Variants in HS3ST3B1 observed in about 807,000 individuals in gnomAD.
HS3ST3B1 encodes heparan sulfate glucosamine 3-O-sulfotransferase 3B1.
A neutral mutation model predicts 21.3 loss-of-function variants in HS3ST3B1; 13 were observed. That is an observed-to-expected ratio of 0.61 (90% confidence interval 0.40 to 0.97). The LOEUF is 0.97. Ranked by LOEUF, HS3ST3B1 falls within the 50% of genes least tolerant of loss-of-function variation. The probability of loss-of-function intolerance (pLI) is 0.00; values close to 1 mark genes in which losing one functional copy is unlikely to be tolerated. For missense variants in HS3ST3B1, 459 were observed against 554.8 expected, an observed-to-expected ratio of 0.83 and a Z score of 1.73; for synonymous variants, 234 against 254.8, an observed-to-expected ratio of 0.92 and a Z score of 0.78.
At chr17:14,323,780 A>G (rs1221449128) in intron 1 of HS3ST3B1, among the ~76,000 whole-genome samples, 1 of 152,084 alleles carries the variant, frequency 6.6e-6, no homozygotes, top group Non-Finnish European at 1.5e-5. Flanking sequence ...CCAGGAAAAC[A>G]TTGTCTTTGG....
intron 1 of HS3ST3B1, among the ~76,000 whole-genome samples, chr17:14,333,167 G>A (rs1910074277): frequency 6.6e-6 from 1 of 152,072 alleles, no homozygotes; most frequent in Non-Finnish European, 1.5e-5. Flanking sequence ...TAGTCAAAGC[G>A]GTATAAAAAC....
chr17:14,321,362 C>T (rs1456937408), intron 1 of HS3ST3B1, among the ~76,000 whole-genome samples: 3 of 152,166 alleles, frequency 2.0e-5, no homozygotes, highest in Admixed American at 1.3e-4. Context: ...TCTGCTGGTT[C>T]GAGAGGCTTG....
rs181685853 is a variant in HS3ST3B1, at chr17:14,347,827, T to A, written c.*2181T>A. On this transcript the variant is annotated 3_prime_UTR_variant, in exon 2 of 2. Transcript: ENST00000360954. ...ATGTTTTATCCATTTCGTAGCTTTT[T>A]TACTGTCTCCAGAAAGTAGTGTGGG... The A allele has an allele frequency of 1.0e-3, 157 of 152,348 alleles. No homozygotes were observed. Among genetic ancestry groups the A allele is most frequent in the African/African-American group, 3.7e-3 (153 of 41,584 alleles). 9.4% of individuals were successfully genotyped at this position (152,348 alleles called of 1,614,324 possible). A position where few individuals can be genotyped will look rare whatever the true frequency, so the allele number is the denominator to read the frequency against.
At chr17:14,314,140 C>A (rs546827974) in intron 1 of HS3ST3B1, among the ~76,000 whole-genome samples, 1 of 151,822 alleles carries the variant, frequency 6.6e-6, no homozygotes, top group African/African-American at 2.4e-5. Flanking sequence ...CCACCAGGCC[C>A]GGCTCATTTT....
chr17:14,343,191 G>A (rs540654274), intron 1 of HS3ST3B1, among the ~76,000 whole-genome samples: 9 of 151,202 alleles, frequency 6.0e-5, no homozygotes, highest in East Asian at 3.9e-4. Flanking sequence ...GCAGTGAGCC[G>A]AGATCGCACC....
At chr17:14,336,329 T>C (rs140520087) in intron 1 of HS3ST3B1, among the ~76,000 whole-genome samples, 1 of 152,318 alleles carries the variant, frequency 6.6e-6, no homozygotes, top group African/African-American at 2.4e-5. Context: ...TGCTGGGCTA[T>C]AGGAGGAGGG....
At chr17:14,333,796 CT>C (rs1910098439) in intron 1 of HS3ST3B1, among the ~76,000 whole-genome samples, 2 of 151,904 alleles carry the variant, frequency 1.3e-5, no homozygotes, top group South Asian at 2.1e-4. Context: ...GGCTGAGAAC[CT>C]TTTTTTTCTG....
chr17:14,306,336 A>G (rs1194193756), intron 1 of HS3ST3B1, among the ~76,000 whole-genome samples: 1 of 152,228 alleles, frequency 6.6e-6, no homozygotes, highest in Non-Finnish European at 1.5e-5. Flanking sequence ...AAAACATAGC[A>G]AGTGTCCCTC....
chr17:14,326,921 C>CAA (rs60800866), intron 1 of HS3ST3B1, among the ~76,000 whole-genome samples: 131 of 60,094 alleles, frequency 2.2e-3, no homozygotes, highest in Non-Finnish European at 3.1e-3. Context: ...AACTCTGTCT[C>CAA]AAAAAAAAAA....
chr17:14,329,367 A>AAGAAAGAAAAGGAAGG lies in HS3ST3B1; in HGVS notation c.555-15660_555-15659insGAAAGAAAAGGAAGGA, dbSNP rs1555549453. The AAGAAAGAAAAGGAAGG allele has an allele frequency of 4.8e-3, 512 of 106,122 alleles. 2 individuals are homozygous for AAGAAAGAAAAGGAAGG. Among genetic ancestry groups the AAGAAAGAAAAGGAAGG allele is most frequent in the African/African-American group, 0.014 (368 of 27,042 alleles). The allele number at this position is 106,122 out of a possible 1,614,324, so 6.6% of individuals were successfully genotyped here. On this transcript the variant is annotated intron_variant, in intron 1 of 1. Transcript: ENST00000360954. Reference sequence around the variant, plus strand: ...AAAGAAAGAAAGAAAGAAAGAAAGAAAAGGAAGGAAGGAAGGAAGGAAGGA... The same window carrying AAGAAAGAAAAGGAAGG: ...AAAGAAAGAAAGAAAGAAAGAAAGAAAGAAAGAAAAGGAAGGAAGGAAGGAAGGAAGGAAGGAAGGA...
Position 14,348,820 on chromosome 17 carries a change from T to G in HS3ST3B1, c.*3174T>G, listed in dbSNP as rs1910647999. ...TAGTTCATGCTTTCTTTGCGGTGTT[T>G]GAACAGTAGTCTGTTAACTTAGTAG... On this transcript the variant is annotated 3_prime_UTR_variant, in exon 2 of 2. Transcript: ENST00000360954. 1 of 152,230 alleles carries G rather than the reference T, an allele frequency of 6.6e-6. No individual in the cohort carries two copies. The highest frequency in any genetic ancestry group is 2.4e-5 in the African/African-American group (1 of 41,460). The allele number at this position is 152,230 out of a possible 1,614,324, so 9.4% of individuals were successfully genotyped here. A position where few individuals can be genotyped will look rare whatever the true frequency, so the allele number is the denominator to read the frequency against.
chr17:14,327,033 A>G (rs1909842781), intron 1 of HS3ST3B1, among the ~76,000 whole-genome samples: 1 of 151,998 alleles, frequency 6.6e-6, no homozygotes, highest in Non-Finnish European at 1.5e-5. Context: ...CAAGTGTATA[A>G]TATCTCTTGA....
chr17:14,316,164 C>G (rs1193901354), intron 1 of HS3ST3B1, among the ~76,000 whole-genome samples: 2 of 152,176 alleles, frequency 1.3e-5, no homozygotes, highest in African/African-American at 4.8e-5. Context: ...CTTCCCGTTC[C>G]TATAGCTTGA....
intron 1 of HS3ST3B1, among the ~76,000 whole-genome samples, chr17:14,317,952 T>C (rs1909548362): frequency 6.6e-6 from 1 of 152,104 alleles, no homozygotes; most frequent in Non-Finnish European, 1.5e-5. Flanking sequence ...ATGAACCACA[T>C]TTAGCCCTGC....
intron 1 of HS3ST3B1, chr17:14,305,438 C>T (rs573355889): frequency 6.6e-6 from 1 of 152,168 alleles, no homozygotes; most frequent in Admixed American, 6.5e-5. Flanking sequence ...AAAGAACCTG[C>T]CCTTTACATT....
chr17:14,316,608 C>A (rs933022371), intron 1 of HS3ST3B1, among the ~76,000 whole-genome samples: 1 of 152,188 alleles, frequency 6.6e-6, no homozygotes, highest in Admixed American at 6.5e-5. Context: ...GAGATGATTG[C>A]TCAACCTGGT....
rs765888285 is a variant in HS3ST3B1 at position 14,301,934 on chromosome 17, A to T, written c.416A>T (p.Gln139Leu). Reference protein sequence around the residue: ...FSGSGSKQLPQAIIIGVKKGG... With the variant: ...FSGSGSKQLPLAIIIGVKKGG... Reference sequence around the variant, plus strand: ...GGGTCTGGGAGCAAGCAGCTGCCGCAGGCCATCATCATCGGCGTGAAGAAG... The same window carrying T: ...GGGTCTGGGAGCAAGCAGCTGCCGCTGGCCATCATCATCGGCGTGAAGAAG... The change falls in exon 1 of 2, where the codon CAG (glutamine) becomes CTG (leucine). Residue 139 changes from glutamine to leucine, a missense_variant. Around this residue, in one of 3 missense-constraint regions of HS3ST3B1, gnomAD observed 317 missense variants for 278.6 expected, o/e 1.14. Coordinates refer to ENST00000360954, the MANE Select transcript of HS3ST3B1 (RefSeq NM_006041.3). The T allele has an allele frequency of 6.2e-7, 1 of 1,609,838 alleles. No individual in the cohort carries two copies. The highest frequency in any genetic ancestry group is 8.5e-7 in the Non-Finnish European group (1 of 1,178,650).
intron 1 of HS3ST3B1, among the ~76,000 whole-genome samples, chr17:14,320,395 A>C (rs1909622558): frequency 6.6e-6 from 1 of 152,116 alleles, no homozygotes; most frequent in African/African-American, 2.4e-5. Context: ...GCATGTGAAA[A>C]GGCAAGGAGG....
At position 14,345,334 on chromosome 17, in the gene HS3ST3B1, C is replaced by T; in HGVS notation, c.861C>T (p.Phe287=). The stretch of plus-strand genomic sequence containing the variant: ...ACCTGGAGCACTGGCTGCGCCACTT[C>T]CCCATCCGCCAGATGCTCTTCGTGA... The part of the protein sequence containing the change: ...AKHLEHWLRH[F]PIRQMLFVSG... The change falls in exon 2 of 2, where the codon TTC becomes TTT. Residue 287 remains phenylalanine (F), a synonymous_variant. Coordinates refer to ENST00000360954, the MANE Select transcript of HS3ST3B1 (RefSeq NM_006041.3). The T allele has an allele frequency of 9.3e-7, 1 of 1,078,758 alleles. No individual in the cohort carries two copies. The highest frequency in any genetic ancestry group is 1.3e-6 in the Non-Finnish European group (1 of 742,158). 66.8% of individuals were successfully genotyped at this position (1,078,758 alleles called of 1,614,324 possible).
Sources: allele counts gnomAD v4.1 joint callset (sites outside exome capture counted in the v4.1 genomes callset), GRCh38; gene constraint gnomAD v4.1.1; regional missense constraint gnomAD v4.1.1; transcripts MANE v1.5; gene names NCBI Gene and HGNC (gene_info 2026-07-23, HGNC 2026-07-21).